Variants in HHIP observed in about 807,000 individuals in gnomAD.
HHIP encodes hedgehog interacting protein.
HHIP carries 12 observed loss-of-function variants against 74.0 expected under a neutral mutation model. The ratio of observed to expected loss-of-function variants is 0.16; its 90% confidence interval spans 0.10 to 0.26. The LOEUF is 0.26. HHIP is among the 10% of genes least tolerant of loss of function. The pLI, the probability that HHIP is intolerant of heterozygous loss-of-function variation, is 1.00. For missense variants in HHIP, 788 were observed against 845.0 expected, an observed-to-expected ratio of 0.93 and a Z score of 0.84; for synonymous variants, 309 against 311.6, an observed-to-expected ratio of 0.99 and a Z score of 0.09.
chr4:144,713,568 A>C (rs1730359671), intron 8 of HHIP, among the ~76,000 whole-genome samples: 1 of 152,168 alleles, frequency 6.6e-6, no homozygotes, highest in South Asian at 2.1e-4. Context: ...CAGATATCCA[A>C]GTATGTAATG....
At chr4:144,735,811 C>T (rs1731100933) in intron 12 of HHIP, among the ~76,000 whole-genome samples, 1 of 151,770 alleles carries the variant, frequency 6.6e-6, no homozygotes, top group Non-Finnish European at 1.5e-5. Context: ...TTTTATATTG[C>T]CTAACAAAAA....
At chr4:144,701,942 T>C (rs1729997765) in intron 4 of HHIP, among the ~76,000 whole-genome samples, 1 of 152,166 alleles carries the variant, frequency 6.6e-6, no homozygotes, top group Admixed American at 6.6e-5. Flanking sequence ...GAAGAGAATG[T>C]TGTCTTTTAA....
chr4:144,741,361 C>CTTT lies in HHIP; in HGVS notation c.*3405_*3406insTTT, dbSNP rs1731255711. The CTTT allele has an allele frequency of 7.5e-6, 1 of 133,426 alleles. No individual in the cohort carries two copies. Among genetic ancestry groups the CTTT allele is most frequent in the African/African-American group, 2.8e-5 (1 of 35,934 alleles). The allele number at this position is 133,426 out of a possible 1,614,324, so 8.3% of individuals were successfully genotyped here. On this transcript the variant is annotated 3_prime_UTR_variant, in exon 13 of 13. Transcript: ENST00000296575. ...TATACTAACAATTTTAATCCATTTGCTGTTTTTTTTTTTTTTTTGGTTTCT... is the reference window on the plus strand; with the variant it reads ...TATACTAACAATTTTAATCCATTTGCTTTTGTTTTTTTTTTTTTTTTGGTTTCT...
chr4:144,713,596 G>A (rs1730360364), intron 8 of HHIP, among the ~76,000 whole-genome samples: 2 of 152,030 alleles, frequency 1.3e-5, no homozygotes, highest in East Asian at 3.9e-4. Context: ...CAGAAAGATA[G>A]AGACACAAGA....
At position 144,646,603 on chromosome 4, in the gene HHIP, C is replaced by G; in HGVS notation, c.-73C>G. The G allele has an allele frequency of 6.7e-7, 1 of 1,494,274 alleles. No individual in the cohort carries two copies. The highest frequency in any genetic ancestry group is 9.1e-7 in the Non-Finnish European group (1 of 1,098,882). 92.6% of individuals were successfully genotyped at this position (1,494,274 alleles called of 1,614,324 possible). A position where few individuals can be genotyped will look rare whatever the true frequency, so the allele number is the denominator to read the frequency against. On this transcript the variant is annotated 5_prime_UTR_variant, in exon 1 of 13. Coordinates refer to ENST00000296575, the MANE Select transcript of HHIP (RefSeq NM_022475.3). Reference sequence around the variant, plus strand: ...CCGCAAACTCCTCCTGGAGCTGCGCCCTAGTGCCCCTGCTGGGCAGTGGCG... The same window carrying G: ...CCGCAAACTCCTCCTGGAGCTGCGCGCTAGTGCCCCTGCTGGGCAGTGGCG...
intron 11 of HHIP, 35 bp from the exon 12 acceptor site, chr4:144,734,706 T>C (rs997390393): frequency 6.8e-7 from 1 of 1,461,908 alleles, no homozygotes; most frequent in African/African-American, 1.4e-5. Flanking sequence ...GATTTTCAAA[T>C]GGAATACACT....
chr4:144,727,282 G>C (rs1489916253), intron 11 of HHIP, among the ~76,000 whole-genome samples: 5 of 151,398 alleles, frequency 3.3e-5, no homozygotes, highest in African/African-American at 1.2e-4. Context: ...TTCTTATAAC[G>C]GCAATAATCG....
chr4:144,718,992 T>G, intron 11 of HHIP, 36 bp downstream of exon 11: 1 of 1,265,768 alleles, frequency 7.9e-7, no homozygotes, highest in Non-Finnish European at 1.1e-6. Flanking sequence ...GTCAAGTAAT[T>G]TTCTTCTTCC....
chr4:144,655,594 G>C (rs567662724), intron 2 of HHIP, among the ~76,000 whole-genome samples: 70 of 152,240 alleles, frequency 4.6e-4, no homozygotes, highest in African/African-American at 1.6e-3. Flanking sequence ...GAATTTTCTA[G>C]TCCATAGCCA....
intron 4 of HHIP, among the ~76,000 whole-genome samples, chr4:144,683,848 T>C (rs1480187391): frequency 6.6e-6 from 1 of 152,132 alleles, no homozygotes. Flanking sequence ...GAAAAACGTT[T>C]GCTGGCCCGC....
At chr4:144,718,254 G>A (rs1365039350) in intron 10 of HHIP, among the ~76,000 whole-genome samples, 10 of 152,108 alleles carry the variant, frequency 6.6e-5, no homozygotes, top group Admixed American at 2.6e-4. Flanking sequence ...GAAGAAGGGG[G>A]GAAAAAATGA....
chr4:144,652,291 A>G (rs1355265202), intron 1 of HHIP, among the ~76,000 whole-genome samples: 3 of 152,098 alleles, frequency 2.0e-5, no homozygotes, highest in Non-Finnish European at 4.4e-5. Context: ...AGGCAGAATG[A>G]AGTGATAAAG....
At chr4:144,735,448 A>G (rs1731088977) in intron 12 of HHIP, among the ~76,000 whole-genome samples, 1 of 152,182 alleles carries the variant, frequency 6.6e-6, no homozygotes, top group South Asian at 2.1e-4. Flanking sequence ...CTAGGTGTGC[A>G]TCTGCTCAGA....
chr4:144,677,595 G>A (rs573741277), intron 4 of HHIP, among the ~76,000 whole-genome samples: 180 of 152,288 alleles, frequency 1.2e-3, no homozygotes, highest in African/African-American at 4.1e-3. Context: ...ACCACCCCAA[G>A]GGGAAATCGA....
Position 144,725,795 on chromosome 4 carries a change from A to C in HHIP, c.1760+6839A>C, listed in dbSNP as rs1169357554. 2.0e-5 allele frequency among the ~76,000 whole-genome samples: 3 copies of C among 151,938 alleles called. No individual in the cohort carries two copies. The East Asian group carries it at 5.8e-4, about 29-fold the overall frequency. On this transcript the variant is annotated intron_variant, in intron 11 of 12. Transcript: ENST00000296575. ...GCGATTCTCCTGCCTCAGCCTCCCA[A>C]GTAGCTGGGATTACAGGTGCACACT...
chr4:144,681,448 C>T lies in HHIP; in HGVS notation c.831+21610C>T, dbSNP rs1228137043. On this transcript the variant is annotated intron_variant, in intron 4 of 12. Transcript: ENST00000296575. ...TTTTTTTTTTTTTTTTTTTTTGAGA[C>T]AGAGTCTCGCTCCATCACCCAGGTT... is the stretch of plus-strand genomic sequence containing the variant. Among the ~76,000 whole-genome samples the T allele has an allele frequency of 5.2e-5, 6 of 114,344 alleles. No individual in the cohort carries two copies. In the Admixed American group the frequency reaches 5.7e-4, roughly 11 times the overall value. 75.0% of individuals were successfully genotyped at this position (114,344 alleles called of 152,430 possible).
chr4:144,682,209 G>A (rs1175668629), intron 4 of HHIP, among the ~76,000 whole-genome samples: 1 of 152,208 alleles, frequency 6.6e-6, no homozygotes, highest in Admixed American at 6.5e-5. Context: ...AGAAGCAGAG[G>A]AGGAAGCAGG....
rs773047802 is a variant in HHIP at position 144,646,844 on chromosome 4, T to C, written c.169T>C (p.Ser57Pro). The C allele has an allele frequency of 1.2e-6, 2 of 1,614,192 alleles. No homozygotes were observed. Among genetic ancestry groups the C allele is most frequent in the African/African-American group, 2.7e-5 (2 of 75,050 alleles). ...RLKRRDRRMM[S>P]QLELLSGGEM... ...GAAAAGGAGAGACAGGAGGATGATG[T>C]CCCAGCTGGAGCTGCTGAGTGGGGG... is the stretch of plus-strand genomic sequence containing the variant. Residue 57 changes from serine (S) to proline (P), a missense_variant, in exon 1 of 13, where the codon TCC (serine) becomes CCC (proline). Coordinates refer to ENST00000296575, the MANE Select transcript of HHIP (RefSeq NM_022475.3).
chr4:144,681,517 C>T (rs548578718), intron 4 of HHIP, among the ~76,000 whole-genome samples: 192 of 150,318 alleles, frequency 1.3e-3, no homozygotes, highest in African/African-American at 4.5e-3. Context: ...CCTCCGCATC[C>T]TGGGTCAAGC....
Sources: allele counts gnomAD v4.1 joint callset (sites outside exome capture counted in the v4.1 genomes callset), GRCh38; gene constraint gnomAD v4.1.1; transcripts MANE v1.5; gene names NCBI Gene and HGNC (gene_info 2026-07-23, HGNC 2026-07-21).